Variants in C19orf47 observed in about 807,000 individuals in gnomAD.
C19orf47 encodes the protein uncharacterized protein C19orf47.
A neutral mutation model predicts 32.3 loss-of-function variants in C19orf47; 18 were observed. That is an observed-to-expected ratio of 0.56 (90% CI 0.39 to 0.83). The LOEUF is 0.83. Ranked by LOEUF, C19orf47 falls within the 40% of genes least tolerant of loss-of-function variation. The probability of loss-of-function intolerance (pLI) is 0.00; values close to 1 mark genes in which losing one functional copy is unlikely to be tolerated. For missense variants in C19orf47, 484 were observed against 531.6 expected (o/e 0.91, Z 0.88); for synonymous variants, 202 against 211.1 (o/e 0.96, Z 0.37).
intron 1 of C19orf47, among the ~76,000 whole-genome samples, chr19:40,346,368 G>A (rs891362495): frequency 5.1e-5 from 7 of 138,016 alleles, no homozygotes; most frequent in Admixed American, 2.9e-4. Context: ...GCTTAAGCCC[G>A]GGAGGCAGAG....
In C19orf47 at chr19:40,319,543, T is replaced by TC. The variant is rs2077687452; in HGVS notation, c.*2338_*2339insG. 6.7e-6 allele frequency: 1 copy of TC among 150,374 alleles called. No individual in the cohort carries two copies. The highest frequency in any genetic ancestry group is 6.7e-5 in the Admixed American group (1 of 14,922). The allele number at this position is 150,374 out of a possible 1,614,324, so 9.3% of individuals were successfully genotyped here. A position where few individuals can be genotyped will look rare whatever the true frequency, so the allele number is the denominator to read the frequency against. On this transcript the variant is annotated 3_prime_UTR_variant, in exon 9 of 9. Coordinates refer to ENST00000683109, the MANE Select transcript of C19orf47 (RefSeq NM_001256441.2). ...TATTACCAGGCCCTTGGCTTTTTTT[T>TC]TTTTTTTTTTTGAGATGGAGTCTCG...
chr19:40,342,945 T>C (rs1238923436), intron 1 of C19orf47, among the ~76,000 whole-genome samples: 1 of 152,198 alleles, frequency 6.6e-6, no homozygotes, highest in Non-Finnish European at 1.5e-5. Context: ...AAAACCAATT[T>C]TCCCTTACAT....
chr19:40,307,013 TCTC>T, the C19orf47 span, among the ~76,000 whole-genome samples: 1 of 151,212 alleles, frequency 6.6e-6, no homozygotes, highest in East Asian at 2.0e-4. Context: ...ATGGTCTTGA[TCTC>T]CTGACCTCGT....
At chr19:40,326,215 C>G in intron 7 of C19orf47, 119 bp downstream of exon 7, 1 of 1,396,806 alleles carries the variant, frequency 7.2e-7, no homozygotes, top group Non-Finnish European at 9.6e-7. Context: ...GCCTACGGCT[C>G]CTGCATCCCC....
At chr19:40,318,560 T>C (rs2077678788), downstream of C19orf47, among the ~76,000 whole-genome samples, 1 of 152,096 alleles carries the variant, frequency 6.6e-6, no homozygotes, top group South Asian at 2.1e-4. Context: ...TGAAGTAGAA[T>C]CAGAGGAAAT....
chr19:40,329,472 C>T (rs1446627226), intron 5 of C19orf47, among the ~76,000 whole-genome samples: 2 of 152,082 alleles, frequency 1.3e-5, no homozygotes, highest in Admixed American at 6.6e-5. Flanking sequence ...CACTACTGCA[C>T]TCCAGCCTGG....
chr19:40,297,734 C>T, the C19orf47 span, among the ~76,000 whole-genome samples: 1 of 147,658 alleles, frequency 6.8e-6, no homozygotes, highest in Admixed American at 6.7e-5. Context: ...ATTAGCTGGG[C>T]GTGGTGGCGG....
At chr19:40,303,274 A>T in the C19orf47 span, among the ~76,000 whole-genome samples, 1 of 151,952 alleles carries the variant, frequency 6.6e-6, no homozygotes, top group Non-Finnish European at 1.5e-5. Flanking sequence ...CTGTAATCCC[A>T]GCACTTTGGG....
upstream of C19orf47, chr19:40,348,509 AACCATCACGTG>A: frequency 6.7e-7 from 1 of 1,488,174 alleles, no homozygotes; most frequent in Non-Finnish European, 8.9e-7. Flanking sequence ...GTGCGGCCAT[AACCATCACGTG>A]ACCGCCCACC....
At chr19:40,318,044 G>A (rs913800525), downstream of C19orf47, among the ~76,000 whole-genome samples, 21 of 151,956 alleles carry the variant, frequency 1.4e-4, no homozygotes, top group Non-Finnish European at 2.2e-4. Context: ...TAAGACCTCC[G>A]CCTTGACCCT....
chr19:40,324,479 T>C (rs1235779312), intron 7 of C19orf47: 2 of 185,710 alleles, frequency 1.1e-5, no homozygotes, highest in African/African-American at 2.3e-5. Context: ...TTATGGTATA[T>C]GAATACTCTG....
the C19orf47 span, among the ~76,000 whole-genome samples, chr19:40,308,700 G>A: frequency 1.7e-3 from 258 of 151,724 alleles, 1 homozygote; most frequent in Non-Finnish European, 1.0e-3. Flanking sequence ...CTCACCTCAA[G>A]TGATCCGCCC....
the C19orf47 span, among the ~76,000 whole-genome samples, chr19:40,299,199 T>C: frequency 6.6e-6 from 1 of 152,172 alleles, no homozygotes; most frequent in Non-Finnish European, 1.5e-5. Context: ...AGCTAATATA[T>C]ATATTTTTAC....
intron 5 of C19orf47, among the ~76,000 whole-genome samples, chr19:40,333,591 G>A (rs1451946299): frequency 6.6e-6 from 1 of 152,260 alleles, no homozygotes; most frequent in Non-Finnish European, 1.5e-5. Context: ...CCATTGCTCT[G>A]TATTTCTTCT....
chr19:40,321,936 C>A lies in C19orf47; in HGVS notation c.1104G>T (p.Met368Ile). 6.2e-7 allele frequency: 1 copy of A among 1,613,476 alleles called. No individual in the cohort carries two copies. Among genetic ancestry groups the A allele is most frequent in the South Asian group, 1.1e-5 (1 of 91,064 alleles). ...SSSSEGLGAQ[M>I]DHAGTVSVFK... ...ACACGCTCACAGTGCCCGCGTGGTC[C>A]ATCTGGGCACCAAGGCCCTCGCTGG... Residue 368 changes from methionine to isoleucine, a missense_variant, in exon 9 of 9, where the codon ATG becomes ATT. Physicochemically the swap from Met to Ile is conservative, Grantham distance 10 (BLOSUM62 1). Around this residue, in one of 3 missense-constraint regions of C19orf47, gnomAD observed 51 missense variants for 74.5 expected, o/e 0.68. Transcript: ENST00000683109.
chr19:40,323,269 G>A (rs1403230418), intron 8 of C19orf47, among the ~76,000 whole-genome samples: 4 of 152,226 alleles, frequency 2.6e-5, no homozygotes, highest in Admixed American at 6.5e-5. Context: ...ACCAACAGGC[G>A]CCGCACACCC....
At chr19:40,298,555 T>G in the C19orf47 span, among the ~76,000 whole-genome samples, 1 of 152,208 alleles carries the variant, frequency 6.6e-6, no homozygotes, top group Non-Finnish European at 1.5e-5. Flanking sequence ...TGTTTCATAC[T>G]GAAAAACTAT....
intron 2 of C19orf47, among the ~76,000 whole-genome samples, chr19:40,340,965 G>T (rs1600214224): frequency 8.3e-6 from 1 of 120,182 alleles, no homozygotes; most frequent in South Asian, 3.3e-4. Flanking sequence ...GCAACAGTGT[G>T]AGCCTGTCTC....
At chr19:40,305,351 A>T in the C19orf47 span, among the ~76,000 whole-genome samples, 54 of 152,208 alleles carry the variant, frequency 3.5e-4, no homozygotes, top group African/African-American at 1.3e-3. Context: ...TCAAAAAAAA[A>T]AAAAAGGTAG....
Sources: allele counts gnomAD v4.1 joint callset (sites outside exome capture counted in the v4.1 genomes callset), GRCh38; gene constraint gnomAD v4.1.1; regional missense constraint gnomAD v4.1.1; transcripts MANE v1.5; gene names NCBI Gene and HGNC (gene_info 2026-07-23, HGNC 2026-07-21).